Variants in CPPED1 observed in about 807,000 individuals in gnomAD.
The protein encoded by CPPED1 is calcineurin like phosphoesterase domain containing 1.
Under a neutral mutation model 28.0 loss-of-function variants are expected in CPPED1, and 28 were observed. The ratio of observed to expected loss-of-function variants is 1.00; its 90% CI spans 0.74 to 1.37. The LOEUF (loss-of-function observed/expected upper bound fraction) is 1.37, where lower values mean the gene tolerates loss of function less well. CPPED1 is among the 40% of genes most tolerant of loss of function. CPPED1 has a pLI of 0.00. For missense variants in CPPED1, 504 were observed against 416.5 expected, an observed-to-expected ratio of 1.21 and a Z score of -1.83; for synonymous variants, 198 against 180.2, an observed-to-expected ratio of 1.10 and a Z score of -0.79.
At chr16:12,744,291 AGAGAGAAAGCAAGCAAGCAAGCAAGC>A (rs2080272500) in intron 2 of CPPED1, among the ~76,000 whole-genome samples, 4 of 138,818 alleles carry the variant, frequency 2.9e-5, no homozygotes, top group East Asian at 2.1e-4. Context: ...AGAGAGAGAG[AGAGAGAAAGCAAGCAAGCAAGCAAGC>A]AAGCAAGCAA....
chr16:12,668,415 G>C (rs756161553), intron 3 of CPPED1, among the ~76,000 whole-genome samples: 2 of 152,010 alleles, frequency 1.3e-5, no homozygotes, highest in African/African-American at 2.4e-5. Flanking sequence ...TAAAAATACG[G>C]AATAACCTGA....
chr16:12,794,429 A>T (rs2080614632), intron 1 of CPPED1, among the ~76,000 whole-genome samples: 1 of 151,558 alleles, frequency 6.6e-6, no homozygotes, highest in East Asian at 1.9e-4. Context: ...GAAAAAAAAA[A>T]AATAGTGTCC....
chr16:12,731,103 T>C (rs1596463121), intron 2 of CPPED1, among the ~76,000 whole-genome samples: 1 of 151,196 alleles, frequency 6.6e-6, no homozygotes, highest in Non-Finnish European at 1.5e-5. Context: ...AGCCCAGGAG[T>C]TCGAGACCAG....
At position 12,767,074 on chromosome 16, in the gene CPPED1, T is replaced by C. The variant is rs182840905; in HGVS notation, c.289+14111A>G. On this transcript the variant is annotated intron_variant, in intron 2 of 3. Transcript: ENST00000381774. Reference sequence around the variant, plus strand: ...GGAACCAATAGGAGATACACAGATATGTAAGAGGAGGCTTAGTAAGGGAAT... The same window carrying C: ...GGAACCAATAGGAGATACACAGATACGTAAGAGGAGGCTTAGTAAGGGAAT... Among the ~76,000 whole-genome samples, 386 of 151,982 alleles carry C rather than the reference T, an allele frequency of 2.5e-3. 2 individuals carry two copies. The highest frequency in any genetic ancestry group is 6.8e-3 in the Middle Eastern group (2 of 294).
rs188370439 is a variant in CPPED1, at chr16:12,704,750, A to G, written c.589T>C (p.Cys197Arg). The change falls in exon 3 of 4, where the codon TGC becomes CGC. Residue 197 changes from cysteine to arginine, a missense_variant. Transcript: ENST00000381774. ...TGCTGGAAGACGATGGCATGCTGGC[A>G]GTGCCGCTGCCTCGCGATGCTCAGC... ...EQLSIARQRH[C>R]QHAIVFQHIP... 6,520 of 1,614,186 alleles carry G rather than the reference A, an allele frequency of 4.0e-3. 16 individuals carry two copies. Among genetic ancestry groups the G allele is most frequent in the Non-Finnish European group, 5.1e-3 (6,061 of 1,180,024 alleles).
intron 2 of CPPED1, among the ~76,000 whole-genome samples, chr16:12,773,097 G>C (rs1422937890): frequency 6.6e-6 from 1 of 152,186 alleles, no homozygotes; most frequent in African/African-American, 2.4e-5. Context: ...TGGTAGGTAA[G>C]GGGTTATGTA....
At chr16:12,739,916 G>A (rs1012298631) in intron 2 of CPPED1, among the ~76,000 whole-genome samples, 9 of 152,086 alleles carry the variant, frequency 5.9e-5, no homozygotes, top group African/African-American at 2.2e-4. Flanking sequence ...TTGCAACCAT[G>A]AGGAAAATAA....
chr16:12,794,433 A>G (rs1423943098), intron 1 of CPPED1, among the ~76,000 whole-genome samples: 1 of 148,782 alleles, frequency 6.7e-6, no homozygotes, highest in African/African-American at 2.5e-5. Context: ...AAAAAAAAAT[A>G]GTGTCCTTCA....
intron 2 of CPPED1, among the ~76,000 whole-genome samples, chr16:12,728,697 G>A (rs1267579844): frequency 2.6e-5 from 4 of 152,180 alleles, no homozygotes; most frequent in African/African-American, 9.6e-5. Context: ...GGTGGCTGGG[G>A]CCTCTCCTTG....
At chr16:12,757,651 A>G (rs1052512524) in intron 2 of CPPED1, 2 of 135,022 alleles carry the variant, frequency 1.5e-5, no homozygotes, top group African/African-American at 5.4e-5. Flanking sequence ...TTAGCAGCGT[A>G]TGTGTTGTGA....
chr16:12,740,805 G>C (rs34483764), intron 2 of CPPED1, among the ~76,000 whole-genome samples: 84,096 of 151,986 alleles, frequency 0.55, 23,437 homozygotes, highest in Admixed American at 0.61. Context: ...AGCACAGAGT[G>C]TGAGAATCTG....
chr16:12,726,257 G>A lies in CPPED1; in HGVS notation c.290-21208C>T, dbSNP rs2080169259. ...GGGTATCACTGTGTTGGCCAAGCTG[G>A]TCTTGAACTCCTGACCTCGTGATTT... On this transcript the variant is annotated intron_variant, in intron 2 of 3. Coordinates refer to ENST00000381774, the MANE Select transcript of CPPED1 (RefSeq NM_018340.3). Among the ~76,000 whole-genome samples the A allele has an allele frequency of 1.3e-5, 2 of 151,106 alleles. 1 individual carries two copies. Among genetic ancestry groups the A allele is most frequent in the South Asian group, 4.2e-4 (2 of 4,776 alleles).
intron 2 of CPPED1, among the ~76,000 whole-genome samples, chr16:12,752,139 A>C (rs1158158944): frequency 6.6e-6 from 1 of 152,230 alleles, no homozygotes; most frequent in Non-Finnish European, 1.5e-5. Flanking sequence ...AAACTTAAAC[A>C]CAATGAGAAT....
intron 2 of CPPED1, among the ~76,000 whole-genome samples, chr16:12,714,579 A>C (rs1454606376): frequency 6.6e-6 from 1 of 152,162 alleles, no homozygotes; most frequent in African/African-American, 2.4e-5. Flanking sequence ...GGCAATTTTT[A>C]TATCTTCTTT....
At chr16:12,757,359 T>C (rs1432648712) in intron 2 of CPPED1, 1 of 151,880 alleles carries the variant, frequency 6.6e-6, no homozygotes, top group East Asian at 1.9e-4. Flanking sequence ...AAGGGCCCAA[T>C]ATAATGCAGT....
rs1396411968 is a variant in CPPED1 at position 12,664,058 on chromosome 16, C to T, written c.*828G>A. The T allele has an allele frequency of 1.3e-5, 2 of 152,270 alleles. No homozygotes were observed. Among genetic ancestry groups the T allele is most frequent in the South Asian group, 2.1e-4 (1 of 4,824 alleles). The allele number at this position is 152,270 out of a possible 1,614,324, so 9.4% of individuals were successfully genotyped here. On this transcript the variant is annotated 3_prime_UTR_variant, in exon 4 of 4. Transcript: ENST00000381774. The surrounding 1 kb of genome is among the most constrained non-coding windows in gnomAD (Gnocchi z 4.2). ...TCAAAGTGGACAAAATGAAGAGTCT[C>T]ATGAGTGGAGGGGCATTCTGATCCC...
At chr16:12,784,401 C>A (rs996576484) in intron 1 of CPPED1, among the ~76,000 whole-genome samples, 3 of 152,156 alleles carry the variant, frequency 2.0e-5, no homozygotes, top group African/African-American at 7.2e-5. Context: ...AGATTCCTCA[C>A]AAAATCCTGT....
At chr16:12,717,273 T>C (rs1011271561) in intron 2 of CPPED1, among the ~76,000 whole-genome samples, 10 of 152,156 alleles carry the variant, frequency 6.6e-5, no homozygotes, top group African/African-American at 2.4e-4. Context: ...TTGGGATCTT[T>C]TTTTCTTTGA....
At chr16:12,750,811 A>T (rs938050333) in intron 2 of CPPED1, among the ~76,000 whole-genome samples, 2 of 152,042 alleles carry the variant, frequency 1.3e-5, no homozygotes, top group Admixed American at 6.6e-5. Context: ...TCTCTACTAA[A>T]AGTACAAAAA....
Sources: gnomAD v4.1 joint callset for allele counts (sites outside exome capture counted in the v4.1 genomes callset) on GRCh38, gnomAD v4.1.1 for gene constraint, Gnocchi (gnomAD v3.1) non-coding constraint, MANE v1.5 for transcripts, NCBI Gene and HGNC (gene_info 2026-07-23, HGNC 2026-07-21) for gene names.